Variants in OR9Q1 observed in about 807,000 individuals in gnomAD.
OR9Q1 encodes olfactory receptor family 9 subfamily Q member 1.
For synonymous variants in OR9Q1, 153 were observed against 148.6 expected (o/e 1.03, Z -0.22); for missense variants, 374 against 378.8 (o/e 0.99, Z 0.11).
chr11:58,024,971 C>A (rs971497638), intron 1 of OR9Q1, among the ~76,000 whole-genome samples: 7 of 152,146 alleles, frequency 4.6e-5, no homozygotes, highest in African/African-American at 1.7e-4. Context: ...TGGGGTTTGG[C>A]TCTTCTCTGT....
chr11:58,064,780 A>T (rs1390958992), intron 2 of OR9Q1, among the ~76,000 whole-genome samples: 1 of 152,078 alleles, frequency 6.6e-6, no homozygotes, highest in Non-Finnish European at 1.5e-5. Context: ...GGCCAGTAGC[A>T]TTCTAAAGAG....
intron 2 of OR9Q1, among the ~76,000 whole-genome samples, chr11:58,161,647 G>T (rs1196602403): frequency 1.3e-5 from 2 of 151,704 alleles, no homozygotes; most frequent in Non-Finnish European, 2.9e-5. Context: ...GGGCTTAAGC[G>T]ATTCTCCTGC....
intron 2 of OR9Q1, among the ~76,000 whole-genome samples, chr11:58,115,846 G>A (rs1853949105): frequency 6.6e-6 from 1 of 152,074 alleles, no homozygotes; most frequent in Non-Finnish European, 1.5e-5. Flanking sequence ...ATCAGACAAA[G>A]ATAAATAGAA....
chr11:58,153,037 C>G (rs1278972993), intron 2 of OR9Q1, among the ~76,000 whole-genome samples: 2 of 152,178 alleles, frequency 1.3e-5, no homozygotes, highest in Non-Finnish European at 2.9e-5. Flanking sequence ...TTAGTAAGCT[C>G]TTCTTCAATT....
At chr11:58,123,628 G>T (rs1158326010) in intron 2 of OR9Q1, among the ~76,000 whole-genome samples, 2 of 152,192 alleles carry the variant, frequency 1.3e-5, no homozygotes, top group Admixed American at 6.5e-5. Flanking sequence ...AGTTAAGAAG[G>T]TTGTCCAACT....
chr11:58,046,791 A>G (rs1853220956), intron 1 of OR9Q1, among the ~76,000 whole-genome samples: 1 of 152,122 alleles, frequency 6.6e-6, no homozygotes, highest in South Asian at 2.1e-4. Flanking sequence ...TGAACCTGGG[A>G]GGCAGAGGTT....
At chr11:58,063,790 G>A (rs905260276) in intron 2 of OR9Q1, among the ~76,000 whole-genome samples, 1 of 152,160 alleles carries the variant, frequency 6.6e-6, no homozygotes, top group Admixed American at 6.6e-5. Context: ...CTTCACCTGG[G>A]AAATAATTTC....
At chr11:58,132,416 C>A (rs970584844) in intron 2 of OR9Q1, among the ~76,000 whole-genome samples, 1 of 152,128 alleles carries the variant, frequency 6.6e-6, no homozygotes, top group African/African-American at 2.4e-5. Context: ...TTCTGAGCCT[C>A]GGTTTCCTCA....
chr11:58,090,067 A>G (rs1853669614), intron 2 of OR9Q1, among the ~76,000 whole-genome samples: 1 of 152,190 alleles, frequency 6.6e-6, no homozygotes, highest in Non-Finnish European at 1.5e-5. Context: ...GGGATTTTCT[A>G]AATATACAAT....
At chr11:58,027,348 T>C (rs1196701684) in intron 1 of OR9Q1, among the ~76,000 whole-genome samples, 2 of 152,196 alleles carry the variant, frequency 1.3e-5, no homozygotes, top group Admixed American at 1.3e-4. Flanking sequence ...TTTTCGCTCA[T>C]GTAACAGTCC....
chr11:58,171,026 C>G (rs1051029817), intron 2 of OR9Q1: 1 of 152,110 alleles, frequency 6.6e-6, no homozygotes, highest in Non-Finnish European at 1.5e-5. Flanking sequence ...CTATAAGGAA[C>G]ATGGAATATT....
chr11:58,144,344 C>A (rs571684386), intron 2 of OR9Q1, among the ~76,000 whole-genome samples: 2 of 151,938 alleles, frequency 1.3e-5, no homozygotes. Flanking sequence ...CATGTCCCTA[C>A]AAAGGACATG....
intron 2 of OR9Q1, among the ~76,000 whole-genome samples, chr11:58,096,703 CTT>C (rs371701829): frequency 0.13 from 14,263 of 108,468 alleles, 757 homozygotes; most frequent in South Asian, 0.19. Flanking sequence ...GAGACAGTCT[CTT>C]TTTTTTTTTT....
intron 2 of OR9Q1, among the ~76,000 whole-genome samples, chr11:58,154,128 G>GGAGGGGGAAGGAGGAA (rs1854381668): frequency 6.6e-6 from 1 of 150,756 alleles, no homozygotes; most frequent in East Asian, 1.9e-4. Flanking sequence ...GGAAGGAGGA[G>GGAGGGGGAAGGAGGAA]GAGGAGGAAG....
intron 2 of OR9Q1, among the ~76,000 whole-genome samples, chr11:58,063,008 G>C (rs923589418): frequency 6.6e-6 from 1 of 152,150 alleles, no homozygotes; most frequent in Non-Finnish European, 1.5e-5. Context: ...CCTGAGGATA[G>C]GGCTATGGCC....
intron 2 of OR9Q1, among the ~76,000 whole-genome samples, chr11:58,120,811 T>C (rs1005830077): frequency 6.8e-5 from 10 of 146,704 alleles, no homozygotes; most frequent in African/African-American, 2.3e-4. Flanking sequence ...ACCATATATA[T>C]ATATATATAT....
At chr11:58,034,735 T>TTTCCCTCCTTCCTTCCTTCCTTCC (rs1853079451) in intron 1 of OR9Q1, among the ~76,000 whole-genome samples, 1 of 111,404 alleles carries the variant, frequency 9.0e-6, no homozygotes, top group African/African-American at 3.3e-5. Context: ...GGTTTCTTTC[T>TTTCCCTCCTTCCTTCCTTCCTTCC]TTCCTTCCTT....
intron 1 of OR9Q1, among the ~76,000 whole-genome samples, chr11:58,053,630 A>AAT (rs1491043862): frequency 0.45 from 33,507 of 75,100 alleles, 5,067 homozygotes; most frequent in East Asian, 0.71. Flanking sequence ...TATATATAAA[A>AAT]TATATATATA....
At chr11:58,077,049 G>A (rs1325737459) in intron 2 of OR9Q1, among the ~76,000 whole-genome samples, 6 of 152,174 alleles carry the variant, frequency 3.9e-5, no homozygotes, top group Non-Finnish European at 7.4e-5. Context: ...AGGTAAGGAT[G>A]TTTGGACTTG....
Sources: gnomAD v4.1 joint callset for allele counts (sites outside exome capture counted in the v4.1 genomes callset) on GRCh38, gnomAD v4.1.1 for gene constraint, MANE v1.5 for transcripts, NCBI Gene and HGNC (gene_info 2026-07-23, HGNC 2026-07-21) for gene names.